USH2A: variants seen among roughly 807,000 people sequenced by gnomAD.
USH2A encodes the protein usherin, also known as Usher syndrome 2A (autosomal recessive, mild).
USH2A carries 443 observed loss-of-function variants against 538.9 expected under a neutral mutation model. The ratio of observed to expected loss-of-function variants is 0.82; its 90% confidence interval spans 0.76 to 0.89. The LOEUF (loss-of-function observed/expected upper bound fraction) is 0.89. Among genes scored for constraint, USH2A ranks in the 40% least tolerant of loss-of-function variants. The pLI is 0.00. For missense variants in USH2A, 6,633 were observed against 6,324.8 expected, an observed-to-expected ratio of 1.05 and a Z score of -1.65; for synonymous variants, 2,413 against 2,273.5, an observed-to-expected ratio of 1.06 and a Z score of -1.75.
At chr1:215,781,346 A>G (rs563488463) in intron 54 of USH2A, among the ~76,000 whole-genome samples, 17 of 152,278 alleles carry the variant, frequency 1.1e-4, no homozygotes, top group African/African-American at 4.1e-4. Flanking sequence ...AACAAAACAG[A>G]ATCCTATTCT....
intron 21 of USH2A, among the ~76,000 whole-genome samples, chr1:216,135,484 A>G (rs960067738): frequency 3.9e-5 from 6 of 152,068 alleles, no homozygotes; most frequent in Admixed American, 2.6e-4. Context: ...GTGATTTCCA[A>G]TCTCAATTAC....
At chr1:215,942,555 T>A (rs1222714174) in intron 37 of USH2A, among the ~76,000 whole-genome samples, 1 of 152,138 alleles carries the variant, frequency 6.6e-6, no homozygotes, top group Non-Finnish European at 1.5e-5. Context: ...AATTAAGTGG[T>A]ACCACACAAC....
chr1:215,703,415 C>T (rs1267340591), intron 61 of USH2A, among the ~76,000 whole-genome samples: 4 of 152,202 alleles, frequency 2.6e-5, no homozygotes, highest in Non-Finnish European at 4.4e-5. Context: ...GCACCCACAG[C>T]CAGCCCTTCC....
chr1:215,787,184 A>G (rs180793332), intron 51 of USH2A, among the ~76,000 whole-genome samples: 6 of 152,272 alleles, frequency 3.9e-5, no homozygotes, highest in Admixed American at 1.3e-4. Context: ...ATTTACTACC[A>G]AGGTTTGTTG....
intron 20 of USH2A, among the ~76,000 whole-genome samples, chr1:216,188,670 C>T (rs987753182): frequency 6.6e-5 from 10 of 151,830 alleles, no homozygotes; most frequent in Admixed American, 1.3e-4. Flanking sequence ...TTGTCTGAGA[C>T]GTAGTAGTTT....
At chr1:215,787,118 C>A (rs1661824530) in intron 51 of USH2A, among the ~76,000 whole-genome samples, 1 of 152,132 alleles carries the variant, frequency 6.6e-6, no homozygotes, top group Admixed American at 6.6e-5. Context: ...TAACCTTGAG[C>A]AAGTCACTTA....
chr1:216,415,314 G>A (rs74141595), intron 3 of USH2A, among the ~76,000 whole-genome samples: 1,599 of 152,062 alleles, frequency 0.011, 43 homozygotes, highest in African/African-American at 0.037. Context: ...AGTTTGAGAC[G>A]TCAAGGCGGG....
intron 21 of USH2A, among the ~76,000 whole-genome samples, chr1:216,104,238 C>T (rs886251999): frequency 1.3e-5 from 2 of 151,582 alleles, no homozygotes; most frequent in Non-Finnish European, 2.9e-5. Flanking sequence ...CACAACAGGC[C>T]CTGGTGTGTG....
chr1:216,007,366 ATCT>A (rs1668421065), intron 32 of USH2A, among the ~76,000 whole-genome samples: 2 of 152,180 alleles, frequency 1.3e-5, no homozygotes, highest in Admixed American at 1.3e-4. Flanking sequence ...AAACAAAAAA[ATCT>A]TCTGGACAGA....
chr1:216,002,397 C>A (rs752836854), intron 32 of USH2A, among the ~76,000 whole-genome samples: 1 of 152,084 alleles, frequency 6.6e-6, no homozygotes, highest in African/African-American at 2.4e-5. Context: ...TCCTTGTCCT[C>A]CCTGAAAAAG....
chr1:215,680,218 T>C lies in USH2A; in HGVS notation c.12225A>G (p.Glu4075=), dbSNP rs2102671749. Residue 4075 remains glutamate (E), a synonymous_variant, in exon 62 of 72, where the codon GAA becomes GAG. Coordinates refer to ENST00000307340, the MANE Select transcript of USH2A (RefSeq NM_206933.4). ...SPSGLRNFIV[E]QKENGRALLL... is the part of the protein sequence containing the mutation. Reference sequence around the variant, plus strand: ...GCAATGCCCGGCCATTCTCTTTCTGTTCTACTATAAAGTTTCTCAGTCCAC... The same window carrying C: ...GCAATGCCCGGCCATTCTCTTTCTGCTCTACTATAAAGTTTCTCAGTCCAC... 1.2e-6 allele frequency: 2 copies of C among 1,614,168 alleles called. No individual in the cohort carries two copies. Among genetic ancestry groups the C allele is most frequent in the Non-Finnish European group, 1.7e-6 (2 of 1,180,012 alleles).
intron 32 of USH2A, among the ~76,000 whole-genome samples, chr1:216,040,918 A>T (rs1035708291): frequency 2.6e-5 from 4 of 152,042 alleles, no homozygotes; most frequent in Non-Finnish European, 4.4e-5. Flanking sequence ...CAAAACTGGG[A>T]GAAAAATTAA....
At chr1:216,118,169 G>T (rs1307368353) in intron 21 of USH2A, among the ~76,000 whole-genome samples, 1 of 151,980 alleles carries the variant, frequency 6.6e-6, no homozygotes, top group African/African-American at 2.4e-5. Context: ...TCTTTTGGGA[G>T]GATTAAATGA....
chr1:216,083,660 C>T (rs2032023269), intron 25 of USH2A, 74 bp from the exon 26 acceptor site: 1 of 1,457,986 alleles, frequency 6.9e-7, no homozygotes. Context: ...TGCTAAGAAA[C>T]TCTAGGACAC....
At chr1:215,769,980 T>C (rs72742725) in intron 55 of USH2A, among the ~76,000 whole-genome samples, 3,375 of 152,328 alleles carry the variant, frequency 0.022, 58 homozygotes, top group Middle Eastern at 0.041. Context: ...ACCAGTTTAA[T>C]GGACCATGTG....
chr1:216,081,443 G>A, intron 26 of USH2A, among the ~76,000 whole-genome samples: 1 of 152,122 alleles, frequency 6.6e-6, no homozygotes, highest in East Asian at 1.9e-4. Context: ...TTGTTGAGGG[G>A]TAATCTGGGA....
At chr1:216,017,095 T>G (rs994777083) in intron 32 of USH2A, among the ~76,000 whole-genome samples, 5 of 152,106 alleles carry the variant, frequency 3.3e-5, no homozygotes, top group Non-Finnish European at 7.4e-5. Context: ...AACCCAGGAT[T>G]TTTTTCTTGG....
At chr1:216,240,718 C>G (rs1256932972) in intron 13 of USH2A, among the ~76,000 whole-genome samples, 2 of 152,102 alleles carry the variant, frequency 1.3e-5, no homozygotes, top group African/African-American at 4.8e-5. Flanking sequence ...TTACTTCCCT[C>G]CTTGTATTCT....
At chr1:215,748,917 GAAC>G (rs1660552738) in intron 58 of USH2A, among the ~76,000 whole-genome samples, 2 of 152,184 alleles carry the variant, frequency 1.3e-5, no homozygotes, top group African/African-American at 4.8e-5. Flanking sequence ...ATGAAATAAA[GAAC>G]AAAAAACAAC....
Sources: gnomAD v4.1 joint callset for allele counts (sites outside exome capture counted in the v4.1 genomes callset) on GRCh38, gnomAD v4.1.1 for gene constraint, MANE v1.5 for transcripts, NCBI Gene and HGNC (gene_info 2026-07-23, HGNC 2026-07-21) for gene names.